The following BCL6 variants were observed in gnomAD, a reference collection of about 807,000 sequenced individuals.
The protein encoded by BCL6 is BCL6 transcription repressor.
BCL6 carries 7 observed loss-of-function variants against 59.5 expected under a neutral mutation model. That is an observed-to-expected ratio of 0.12 (90% CI 0.07 to 0.22). BCL6 has a LOEUF of 0.22. Among genes scored for constraint, BCL6 ranks in the 10% least tolerant of loss-of-function variants. BCL6 has a pLI of 1.00. For synonymous variants in BCL6, 339 were observed against 349.7 expected (o/e 0.97, Z 0.34); for missense variants, 685 against 939.4 (o/e 0.73, Z 3.54).
intron 1 of BCL6, among the ~76,000 whole-genome samples, chr3:187,744,730 T>C (rs1576885462): frequency 6.6e-6 from 1 of 151,184 alleles, no homozygotes; most frequent in African/African-American, 2.4e-5. Flanking sequence ...CCTCCCGGAG[T>C]TACCCAGAAG....
At chr3:187,733,814 C>T (rs1390622836) in intron 2 of BCL6, 111 bp from the exon 3 acceptor site, 1 of 1,124,070 alleles carries the variant, frequency 8.9e-7, no homozygotes, top group Non-Finnish European at 1.3e-6. Context: ...CAACTCAGGT[C>T]CCTTGTATTT....
At position 187,738,841 on chromosome 3, in the gene BCL6, C is replaced by T. The variant is rs1485283466; in HGVS notation, c.-49-3934G>A. Among the ~76,000 whole-genome samples the T allele has an allele frequency of 4.6e-5, 7 of 152,228 alleles. No homozygotes were observed. In the East Asian group the frequency reaches 9.7e-4, roughly 21 times the overall value. ...ATTGAGGCTTTCTCACCCCTTCGCC[C>T]GGTGGGATAAAGGTGAAAGAGACGG... is the stretch of plus-strand genomic sequence containing the variant. On this transcript the variant is annotated intron_variant, in intron 1 of 9. Transcript: ENST00000406870.
chr3:187,723,144 G>A (rs1157283542), intron 9 of BCL6, among the ~76,000 whole-genome samples: 1 of 152,058 alleles, frequency 6.6e-6, no homozygotes, highest in Non-Finnish European at 1.5e-5. Context: ...TGGACAAATG[G>A]ACTAGATCAG....
intron 1 of BCL6, among the ~76,000 whole-genome samples, chr3:187,738,316 C>T (rs1403121468): frequency 6.6e-6 from 1 of 152,162 alleles, no homozygotes; most frequent in Non-Finnish European, 1.5e-5. Flanking sequence ...GATGGAGTCC[C>T]TAGGGGCTGA....
In BCL6 at chr3:187,742,098, C is replaced by T. The variant is rs529842568; in HGVS notation, c.-50+3312G>A. On this transcript the variant is annotated intron_variant, in intron 1 of 9. Transcript: ENST00000406870. The stretch of plus-strand genomic sequence containing the variant: ...CTTTTTATCCGTTAGTTTTATCTCC[C>T]CTATTTTTTTTAAATCTCTGGGGGA... Among the ~76,000 whole-genome samples, 8 of 152,264 alleles carry T rather than the reference C, an allele frequency of 5.3e-5. No homozygotes were observed. In the East Asian group the frequency reaches 1.5e-3, roughly 29 times the overall value.
chr3:187,744,822 C>A, intron 1 of BCL6, among the ~76,000 whole-genome samples: 1 of 152,006 alleles, frequency 6.6e-6, no homozygotes, highest in East Asian at 1.9e-4. Flanking sequence ...GCAAGGAAAG[C>A]AGTTTGCAAG....
chr3:187,728,969 T>C lies in BCL6; in HGVS notation c.1355+81A>G, dbSNP rs189150920. 10 of 1,488,770 alleles carry C rather than the reference T, an allele frequency of 6.7e-6. No homozygotes were observed. In the African/African-American group the frequency reaches 1.1e-4, roughly 17 times the overall value. The allele number at this position is 1,488,770 out of a possible 1,614,324, so 92.2% of individuals were successfully genotyped here. A position where few individuals can be genotyped will look rare whatever the true frequency, so the allele number is the denominator to read the frequency against. On this transcript the variant is annotated intron_variant, in intron 5 of 9. Coordinates refer to ENST00000406870, the MANE Select transcript of BCL6 (RefSeq NM_001706.5). ...TCCACACCTCTAATAGGCTCAGCAA[T>C]TCAGGCAAGAAAAGAAGAAACGACA...
chr3:187,730,292 C>T (rs567019355), intron 4 of BCL6, among the ~76,000 whole-genome samples: 1 of 152,278 alleles, frequency 6.6e-6, no homozygotes, highest in South Asian at 2.1e-4. Flanking sequence ...GTTTAAGGCA[C>T]ATATCTATGC....
At chr3:187,745,385 C>G in intron 1 of BCL6, 25 bp downstream of exon 1, 1 of 402,716 alleles carries the variant, frequency 2.5e-6, no homozygotes, top group African/African-American at 2.1e-5. Flanking sequence ...GCAGCAGCAG[C>G]GGCGGCAGCA....
chr3:187,745,122 A>ATAG, intron 1 of BCL6, among the ~76,000 whole-genome samples: 1 of 152,182 alleles, frequency 6.6e-6, no homozygotes, highest in Middle Eastern at 3.4e-3. Flanking sequence ...AAAGACAACA[A>ATAG]TAATAATAAT....
chr3:187,727,231 T>C (rs1718756839), intron 6 of BCL6, among the ~76,000 whole-genome samples: 1 of 152,208 alleles, frequency 6.6e-6, no homozygotes, highest in Non-Finnish European at 1.5e-5. Context: ...GAGAATTGAT[T>C]TTTAAAAATA....
intron 1 of BCL6, among the ~76,000 whole-genome samples, chr3:187,740,848 G>A (rs1711562006): frequency 6.6e-6 from 1 of 152,264 alleles, no homozygotes; most frequent in Non-Finnish European, 1.5e-5. Context: ...TCATCGCTGA[G>A]TGATGGGCAA....
chr3:187,744,785 A>T, intron 1 of BCL6, among the ~76,000 whole-genome samples: 1 of 150,288 alleles, frequency 6.7e-6, no homozygotes, highest in African/African-American at 2.4e-5. Context: ...AAGAGGAGGG[A>T]GGGAAGCGGA....
intron 1 of BCL6, among the ~76,000 whole-genome samples, chr3:187,738,570 G>A (rs1407782646): frequency 6.6e-6 from 1 of 152,202 alleles, no homozygotes; most frequent in Non-Finnish European, 1.5e-5. Flanking sequence ...CTCCAAAGTT[G>A]CCTCGCCTTC....
intron 1 of BCL6, among the ~76,000 whole-genome samples, chr3:187,735,686 A>G (rs1380852466): frequency 6.6e-6 from 1 of 152,228 alleles, no homozygotes; most frequent in Non-Finnish European, 1.5e-5. Context: ...GCCAGGGAGC[A>G]CTAAACCTTG....
In BCL6 at chr3:187,729,800, G is replaced by A; in HGVS notation, c.605C>T (p.Pro202Leu). ...PASYSMYSHL[P>L]VSSLLFSDEE... is the part of the protein sequence containing the mutation. ...ATCGGAGAAGAGGAGGCTGCTGACAGGGAGGTGGCTGTACATGGAATAAGA... is the reference window on the plus strand; with the variant it reads ...ATCGGAGAAGAGGAGGCTGCTGACAAGGAGGTGGCTGTACATGGAATAAGA... The change falls in exon 5 of 10, where the codon CCT becomes CTT. Residue 202 changes from proline to leucine, a missense_variant. Coordinates refer to ENST00000406870, the MANE Select transcript of BCL6 (RefSeq NM_001706.5). This position sits in a 1 kb window ranked among gnomAD's most constrained non-coding sequence, Gnocchi z 5.6. 1 of 1,614,188 alleles carries A rather than the reference G, an allele frequency of 6.2e-7. No individual in the cohort carries two copies. The highest frequency in any genetic ancestry group is 1.1e-5 in the South Asian group (1 of 91,080).
chr3:187,732,301 C>A, intron 3 of BCL6: 1 of 389,776 alleles, frequency 2.6e-6, no homozygotes, highest in Non-Finnish European at 5.1e-6. Context: ...TCTTAGTCTA[C>A]CTTTGTCATA....
At chr3:187,744,902 G>C (rs546784561) in intron 1 of BCL6, among the ~76,000 whole-genome samples, 9 of 152,126 alleles carry the variant, frequency 5.9e-5, no homozygotes, top group East Asian at 1.9e-4. Context: ...AGCAGCAGCA[G>C]AAAGAGCGAG....
At chr3:187,742,948 T>C (rs1292350958) in intron 1 of BCL6, among the ~76,000 whole-genome samples, 1 of 152,180 alleles carries the variant, frequency 6.6e-6, no homozygotes, top group Non-Finnish European at 1.5e-5. Flanking sequence ...GGTTCTGTTC[T>C]AGTGCCAAAG....
Sources: allele counts gnomAD v4.1 joint callset (sites outside exome capture counted in the v4.1 genomes callset), GRCh38; gene constraint gnomAD v4.1.1; non-coding constraint Gnocchi (gnomAD v3.1); transcripts MANE v1.5; gene names NCBI Gene and HGNC (gene_info 2026-07-23, HGNC 2026-07-21).